The following SNX14 variants were observed in gnomAD, a reference collection of about 807,000 sequenced individuals.
SNX14 encodes sorting nexin 14, also known as sorting nexin-14.
Under a neutral mutation model 133.8 loss-of-function variants are expected in SNX14, and 93 were observed. The observed-to-expected ratio is 0.70, with a 90% CI of 0.59 to 0.83. SNX14 has a LOEUF of 0.83. Ranked by LOEUF, SNX14 falls within the 40% of genes least tolerant of loss-of-function variation. The pLI is 0.00. For synonymous variants in SNX14, 368 were observed against 365.6 expected, an observed-to-expected ratio of 1.01 and a Z score of -0.07; for missense variants, 945 against 1,094.9, an observed-to-expected ratio of 0.86 and a Z score of 1.93.
chr6:85,572,491 T>G, intron 2 of SNX14, 117 bp from the exon 3 acceptor site: 2 of 771,828 alleles, frequency 2.6e-6, no homozygotes, highest in Non-Finnish European at 2.1e-6. Context: ...AGAACATTTT[T>G]TGTCTACTTT....
At chr6:85,517,951 T>C (rs1318817827) in intron 22 of SNX14, 57 bp downstream of exon 22, 15 of 1,573,516 alleles carry the variant, frequency 9.5e-6, no homozygotes, top group Non-Finnish European at 1.2e-5. Context: ...AATTTATCAA[T>C]ATTTAAATAT....
intron 4 of SNX14, among the ~76,000 whole-genome samples, chr6:85,570,208 A>G (rs570133558): frequency 9.8e-5 from 15 of 152,372 alleles, no homozygotes; most frequent in African/African-American, 3.6e-4. Context: ...ACTAGGGCCT[A>G]GCCCAGTTCC....
chr6:85,593,658 C>T lies in SNX14; in HGVS notation c.61G>A (p.Gly21Arg). Reference protein sequence around the residue: ...KLKQRLRLDVGREICRQYPLF... With the variant: ...KLKQRLRLDVRREICRQYPLF... ...GGGTACTGGCGGCAGATCTCGCGTC[C>T]CACGTCCAGTCGCAGCCGCTGCTTC... The change falls in exon 1 of 29, where the codon GGA (glycine) becomes AGA (arginine). Residue 21 changes from glycine to arginine, a missense_variant. By Grantham distance (125) the Gly-to-Arg change is moderately radical. Around this residue, in one of 3 missense-constraint regions of SNX14, gnomAD observed 514 missense variants for 538.8 expected, o/e 0.95. Transcript: ENST00000314673. 1.2e-6 allele frequency: 2 copies of T among 1,613,048 alleles called. No individual in the cohort carries two copies. Among genetic ancestry groups the T allele is most frequent in the East Asian group, 4.5e-5 (2 of 44,872 alleles).
intron 1 of SNX14, among the ~76,000 whole-genome samples, chr6:85,579,294 A>T (rs1380385418): frequency 6.6e-6 from 1 of 152,216 alleles, no homozygotes; most frequent in Non-Finnish European, 1.5e-5. Flanking sequence ...AACTGAAATG[A>T]CAGCCAAGCA....
At chr6:85,549,964 G>T in intron 7 of SNX14, 85 bp from the exon 8 acceptor site, 1 of 1,232,916 alleles carries the variant, frequency 8.1e-7, no homozygotes, top group East Asian at 2.5e-5. Flanking sequence ...AGAAGAGCAT[G>T]GGCTGGGCGT....
At chr6:85,583,226 A>G (rs922574282) in intron 1 of SNX14, among the ~76,000 whole-genome samples, 2 of 152,164 alleles carry the variant, frequency 1.3e-5, no homozygotes, top group African/African-American at 4.8e-5. Context: ...GCTAAAAACT[A>G]TCAATAAACT....
intron 12 of SNX14, 130 bp downstream of exon 12, chr6:85,546,982 A>AG (rs1785792048): frequency 1.5e-6 from 1 of 681,560 alleles, no homozygotes; most frequent in East Asian, 2.9e-5. Flanking sequence ...AAAAAAAAAA[A>AG]AAGGAAATCG....
At chr6:85,542,259 G>A (rs573609464) in intron 14 of SNX14, among the ~76,000 whole-genome samples, 18 of 152,222 alleles carry the variant, frequency 1.2e-4, no homozygotes, top group East Asian at 7.7e-4. Context: ...AGATTTCTGC[G>A]TCACTGCAGT....
At chr6:85,506,673 A>G (rs1259087983) in intron 28 of SNX14, among the ~76,000 whole-genome samples, 2 of 152,228 alleles carry the variant, frequency 1.3e-5, no homozygotes, top group Non-Finnish European at 2.9e-5. Flanking sequence ...ACTCTACAAA[A>G]GTCACACTTC....
At chr6:85,557,851 G>A (rs1790242155) in intron 7 of SNX14, 125 bp downstream of exon 7, 1 of 625,068 alleles carries the variant, frequency 1.6e-6, no homozygotes, top group East Asian at 3.0e-5. Context: ...TTCAGTTTAA[G>A]AGAATACTCT....
chr6:85,512,308 T>G (rs150734699), intron 26 of SNX14, among the ~76,000 whole-genome samples: 2,510 of 152,234 alleles, frequency 0.016, 80 homozygotes, highest in African/African-American at 0.057. Context: ...GTCAAGGCCC[T>G]GGAGGTAAAA....
chr6:85,572,345 T>C lies in SNX14; in HGVS notation c.291A>G (p.Gln97=). ...KQLGLQELFP[Q]GHSCAVCGKV... ...TACCACAAACAGCACAGCTATGACC[T>C]TGAGGAAATAATTCCTGAAGTCCTA... Residue 97 remains glutamine, a synonymous_variant, in exon 3 of 29, where the codon CAA becomes CAG. Coordinates refer to ENST00000314673, the MANE Select transcript of SNX14 (RefSeq NM_153816.6). 1 of 1,613,270 alleles carries C rather than the reference T, an allele frequency of 6.2e-7. No individual in the cohort carries two copies. Among genetic ancestry groups the C allele is most frequent in the Non-Finnish European group, 8.5e-7 (1 of 1,179,728 alleles).
At chr6:85,508,325 A>C in intron 26 of SNX14, 1 of 1,022,990 alleles carries the variant, frequency 9.8e-7, no homozygotes, top group African/African-American at 1.7e-5. Context: ...TGCAGTAAAA[A>C]AAAAAAAAAA....
intron 17 of SNX14, 21 bp downstream of exon 17, chr6:85,536,771 A>G: frequency 8.8e-6 from 14 of 1,599,332 alleles, no homozygotes; most frequent in Non-Finnish European, 1.1e-5. Flanking sequence ...TAAATAAATC[A>G]AATTGATACA....
chr6:85,508,450 A>G (rs906649240), intron 26 of SNX14: 5 of 895,120 alleles, frequency 5.6e-6, no homozygotes, highest in Non-Finnish European at 5.4e-6. Flanking sequence ...ATAGAAATGC[A>G]TGGAAAAATG....
chr6:85,509,686 G>C (rs1772108260), intron 26 of SNX14, among the ~76,000 whole-genome samples: 1 of 152,100 alleles, frequency 6.6e-6, no homozygotes, highest in African/African-American at 2.4e-5. Context: ...TTATTACCCA[G>C]AGTCCATAAT....
chr6:85,593,525 G>T (rs1165629866), intron 1 of SNX14, 54 bp downstream of exon 1: 1 of 1,559,828 alleles, frequency 6.4e-7, no homozygotes, highest in East Asian at 2.3e-5. Flanking sequence ...CACGGGCCGG[G>T]CGTCTGCACC....
chr6:85,584,092 C>T (rs1799905308), intron 1 of SNX14, among the ~76,000 whole-genome samples: 1 of 152,092 alleles, frequency 6.6e-6, no homozygotes, highest in Non-Finnish European at 1.5e-5. Context: ...AGAAATAACA[C>T]CACACATCTA....
chr6:85,593,493 C>A, intron 1 of SNX14, 86 bp downstream of exon 1: 2 of 1,480,042 alleles, frequency 1.4e-6, no homozygotes, highest in Non-Finnish European at 1.8e-6. Context: ...CGCAGCTACG[C>A]GGCCTCCGCA....
Sources: allele counts gnomAD v4.1 joint callset (sites outside exome capture counted in the v4.1 genomes callset), GRCh38; gene constraint gnomAD v4.1.1; regional missense constraint gnomAD v4.1.1; transcripts MANE v1.5; gene names NCBI Gene and HGNC (gene_info 2026-07-23, HGNC 2026-07-21).